The following LAMA2 variants were observed in gnomAD, a reference collection of about 807,000 sequenced individuals.
LAMA2 encodes the protein laminin subunit alpha 2.
LAMA2 carries 269 observed loss-of-function variants against 364.8 expected under a neutral mutation model. That is an observed-to-expected ratio of 0.74 (90% confidence interval 0.67 to 0.82). The LOEUF (loss-of-function observed/expected upper bound fraction) is 0.82. LAMA2 is among the 40% of genes least tolerant of loss of function. The pLI, the probability that LAMA2 is intolerant of heterozygous loss-of-function variation, is 0.00. For missense variants in LAMA2, 3,807 were observed against 3,873.2 expected (o/e 0.98, Z 0.45); for synonymous variants, 1,379 against 1,370.6 (o/e 1.01, Z -0.14).
At chr6:129,289,784 T>G (rs966067530) in intron 19 of LAMA2, among the ~76,000 whole-genome samples, 1 of 152,086 alleles carries the variant, frequency 6.6e-6, no homozygotes, top group African/African-American at 2.4e-5. Flanking sequence ...ATAAAAACAT[T>G]TTGACCATTA....
chr6:129,012,672 T>C (rs1468513317), intron 1 of LAMA2, among the ~76,000 whole-genome samples: 3 of 152,208 alleles, frequency 2.0e-5, no homozygotes, highest in Admixed American at 1.3e-4. Flanking sequence ...TTCTTCAAGG[T>C]GATAGTTCAT....
At chr6:129,071,918 A>C (rs563631788) in intron 3 of LAMA2, among the ~76,000 whole-genome samples, 1 of 152,292 alleles carries the variant, frequency 6.6e-6, no homozygotes, top group South Asian at 2.1e-4. Flanking sequence ...GCTTGAGCCC[A>C]GAAGTTCAAG....
At chr6:129,067,217 A>G (rs1013018994) in intron 3 of LAMA2, among the ~76,000 whole-genome samples, 3 of 149,518 alleles carry the variant, frequency 2.0e-5, no homozygotes, top group Non-Finnish European at 3.0e-5. Flanking sequence ...TATAATATAC[A>G]TGTTCCAAAT....
At chr6:129,161,678 G>A (rs956963906) in intron 8 of LAMA2, among the ~76,000 whole-genome samples, 1 of 151,880 alleles carries the variant, frequency 6.6e-6, no homozygotes, top group Non-Finnish European at 1.5e-5. Context: ...AGCAGGCCCT[G>A]GTGTCTATTG....
chr6:128,939,119 C>T (rs943501533), intron 1 of LAMA2, among the ~76,000 whole-genome samples: 2 of 152,068 alleles, frequency 1.3e-5, no homozygotes, highest in African/African-American at 2.4e-5. Flanking sequence ...CAGGTTCACA[C>T]GTTTATCACC....
chr6:129,388,642 CA>C (rs1464779809), intron 35 of LAMA2, among the ~76,000 whole-genome samples: 1 of 152,058 alleles, frequency 6.6e-6, no homozygotes, highest in Non-Finnish European at 1.5e-5. Context: ...GATCAAATTT[CA>C]AAAGATATTT....
chr6:129,492,435 G>A lies in LAMA2; in HGVS notation c.8196G>A (p.Glu2732=), dbSNP rs752657884. The A allele has an allele frequency of 4.3e-6, 7 of 1,613,998 alleles. No homozygotes were observed. In the Admixed American group the frequency reaches 1.2e-4, roughly 27 times the overall value. The change falls in exon 58 of 65, where the codon GAG becomes GAA. Residue 2732 remains glutamate, a synonymous_variant. Transcript: ENST00000421865. Reference sequence around the variant, plus strand: ...CAGCTGAAATAGTTATCCAGCCTGAGCCAGTTCCCACCCCAGCCTTTCCTA... The same window carrying A: ...CAGCTGAAATAGTTATCCAGCCTGAACCAGTTCCCACCCCAGCCTTTCCTA... The part of the protein sequence containing the change: ...AAPAEIVIQP[E]PVPTPAFPTP...
intron 22 of LAMA2, among the ~76,000 whole-genome samples, chr6:129,307,156 A>T (rs1773927197): frequency 6.6e-6 from 1 of 152,220 alleles, no homozygotes; most frequent in South Asian, 2.1e-4. Flanking sequence ...GAGTTTTGTT[A>T]GGGAAGGTGC....
rs72973260 is a variant in LAMA2, at chr6:129,265,006, T to C, written c.2209-2100T>C. On this transcript the variant is annotated intron_variant, in intron 15 of 64. Transcript: ENST00000421865. ...GACAGTTTTGTCATTTGTGTTTTGT[T>C]TATTTTTGATGGAGACACTAGATCA... Among the ~76,000 whole-genome samples the C allele has an allele frequency of 2.0e-3, 301 of 152,296 alleles. 2 individuals carry two copies. Among genetic ancestry groups the C allele is most frequent in the Non-Finnish European group, 1.8e-3 (120 of 68,010 alleles).
At chr6:129,293,618 G>A (rs1471073898) in intron 20 of LAMA2, among the ~76,000 whole-genome samples, 1 of 152,186 alleles carries the variant, frequency 6.6e-6, no homozygotes. Flanking sequence ...TTACAAAAGT[G>A]TGGTTCTCAT....
intron 12 of LAMA2, among the ~76,000 whole-genome samples, chr6:129,220,568 A>G: frequency 6.6e-6 from 1 of 152,246 alleles, no homozygotes; most frequent in East Asian, 1.9e-4. Flanking sequence ...TAGCTAGAAA[A>G]TATAATTATC....
chr6:129,257,908 A>G (rs998472158), intron 14 of LAMA2, among the ~76,000 whole-genome samples: 1 of 152,020 alleles, frequency 6.6e-6, no homozygotes, highest in Non-Finnish European at 1.5e-5. Context: ...ATCCTTTGCC[A>G]TGGAGTTTGT....
At chr6:129,429,073 C>G (rs916723914) in intron 41 of LAMA2, among the ~76,000 whole-genome samples, 2 of 152,146 alleles carry the variant, frequency 1.3e-5, no homozygotes, top group African/African-American at 4.8e-5. Context: ...AATGCCCCAT[C>G]CTTCACCTCT....
At chr6:129,142,029 T>A (rs1317045039) in intron 4 of LAMA2, among the ~76,000 whole-genome samples, 1 of 152,088 alleles carries the variant, frequency 6.6e-6, no homozygotes, top group Non-Finnish European at 1.5e-5. Flanking sequence ...CTTCTTCCTA[T>A]CTGTATGTTG....
intron 17 of LAMA2, among the ~76,000 whole-genome samples, chr6:129,274,264 A>C (rs1049206148): frequency 6.6e-6 from 1 of 151,982 alleles, no homozygotes; most frequent in Non-Finnish European, 1.5e-5. Flanking sequence ...AAATCACTAA[A>C]CAAGACACTT....
In LAMA2 at chr6:129,252,065, CT is replaced by C. The variant is rs758433204; in HGVS notation, c.1885-11del. 4.5e-5 allele frequency: 71 copies of C among 1,567,470 alleles called. No individual in the cohort carries two copies. The highest frequency in any genetic ancestry group is 5.4e-5 in the African/African-American group (4 of 73,842). ...TTTTCAGTTTTACTCTTTTTTATTT[CT>C]TTTTTTTCCCCCTTTAGGGTAATGA... is the stretch of plus-strand genomic sequence containing the variant. On this transcript the variant is annotated intron_variant, in intron 13 of 64. Transcript: ENST00000421865.
chr6:129,045,309 A>C (rs912154526), intron 1 of LAMA2, among the ~76,000 whole-genome samples: 1 of 152,218 alleles, frequency 6.6e-6, no homozygotes, highest in African/African-American at 2.4e-5. Context: ...TATGGTTAGA[A>C]AACTCTATGA....
chr6:129,312,724 A>C (rs764702050), intron 22 of LAMA2, 137 bp from the exon 23 acceptor site: 4 of 718,046 alleles, frequency 5.6e-6, no homozygotes, highest in Non-Finnish European at 9.9e-6. Flanking sequence ...CAAGTGACTA[A>C]ACTAGAATAG....
At chr6:129,183,905 AGAAG>A (rs1389003533) in intron 10 of LAMA2, among the ~76,000 whole-genome samples, 9 of 152,102 alleles carry the variant, frequency 5.9e-5, no homozygotes, top group East Asian at 1.9e-4. Context: ...TACAAAAGAA[AGAAG>A]GAAGGAAGAG....
Sources: allele counts gnomAD v4.1 joint callset (sites outside exome capture counted in the v4.1 genomes callset), GRCh38; gene constraint gnomAD v4.1.1; transcripts MANE v1.5; gene names NCBI Gene and HGNC (gene_info 2026-07-23, HGNC 2026-07-21).